PCDHGB4: variants seen among roughly 807,000 people sequenced by gnomAD.
PCDHGB4 encodes protocadherin gamma subfamily B, 4.
PCDHGB4 carries 38 observed loss-of-function variants against 60.5 expected under a neutral mutation model. The ratio of observed to expected loss-of-function variants is 0.63; its 90% CI spans 0.48 to 0.82. The LOEUF (loss-of-function observed/expected upper bound fraction) is 0.82. PCDHGB4 is among the 40% of genes least tolerant of loss of function. The pLI, the probability that PCDHGB4 is intolerant of heterozygous loss-of-function variation, is 0.00. For missense variants in PCDHGB4, 1,109 were observed against 1,209.6 expected, an observed-to-expected ratio of 0.92 and a Z score of 1.23; for synonymous variants, 456 against 509.7, an observed-to-expected ratio of 0.89 and a Z score of 1.42.
chr5:141,455,632 TG>T (rs1394377963), intron 1 of PCDHGB4, among the ~76,000 whole-genome samples: 1 of 151,924 alleles, frequency 6.6e-6, no homozygotes, highest in African/African-American at 2.4e-5. Flanking sequence ...TGGAGATATG[TG>T]GGGGGCAGCC....
chr5:141,480,413 T>C (rs1478520852), intron 1 of PCDHGB4, among the ~76,000 whole-genome samples: 2 of 135,292 alleles, frequency 1.5e-5, no homozygotes, highest in African/African-American at 3.0e-5. Context: ...AGACCCTGTC[T>C]CAAAAAAAAA....
Position 141,511,039 on chromosome 5 carries a change from C to T in PCDHGB4, c.2638C>T (p.Pro880Ser). 1 of 1,614,196 alleles carries T rather than the reference C, an allele frequency of 6.2e-7. No homozygotes were observed. ...YGPQFTLQHV[P>S]DYRQNVYIPG... ...ACCCCAGTTCACCCTGCAGCACGTGCCCGACTACCGCCAGAATGTCTACAT... is the reference window on the plus strand; with the variant it reads ...ACCCCAGTTCACCCTGCAGCACGTGTCCGACTACCGCCAGAATGTCTACAT... The change falls in exon 4 of 4, where the codon CCC (proline) becomes TCC (serine). Residue 880 changes from proline (P) to serine (S), a missense_variant. Physicochemically the swap from Pro to Ser is moderately conservative, Grantham distance 74. Around this residue, in one of 2 missense-constraint regions of PCDHGB4, gnomAD observed 1,068 missense variants for 1,089.9 expected, o/e 0.98. Coordinates refer to ENST00000519479, the MANE Select transcript of PCDHGB4 (RefSeq NM_003736.4).
chr5:141,430,994 C>T, intron 1 of PCDHGB4: 1 of 1,613,950 alleles, frequency 6.2e-7, no homozygotes, highest in East Asian at 2.2e-5. Context: ...CGCCCTGAAT[C>T]CGCGCAGCGG....
At position 141,485,561 on chromosome 5, in the gene PCDHGB4, GCCC is replaced by G; in HGVS notation, c.2398-9242_2398-9240del. ...AGAGATCGTAGATGTGAATGATCAC[GCCC>G]CCCGTTTTCCGCGGCAGCAGCTGGA... On this transcript the variant is annotated intron_variant, in intron 1 of 3. Transcript: ENST00000519479. This position sits in a 1 kb window ranked among gnomAD's most constrained non-coding sequence, Gnocchi z 5.7. 1 of 1,613,008 alleles carries G rather than the reference GCCC, an allele frequency of 6.2e-7. No homozygotes were observed.
intron 1 of PCDHGB4, chr5:141,439,845 T>C (rs983341549): frequency 6.6e-6 from 1 of 152,252 alleles, no homozygotes; most frequent in Non-Finnish European, 1.5e-5. Flanking sequence ...ACTCTAACTG[T>C]GGAAAAGGTG....
At position 141,491,583 on chromosome 5, in the gene PCDHGB4, C is replaced by T; in HGVS notation, c.2398-3224C>T. On this transcript the variant is annotated intron_variant, in intron 1 of 3. Transcript: ENST00000519479. The surrounding 1 kb of genome is among the most constrained non-coding windows in gnomAD (Gnocchi z 6.9). ...GCTACAGGACGTGCTTTTCACCGGC[C>T]TCGGACGGCAGTGACTTCACTTTTC... 1 of 1,613,964 alleles carries T rather than the reference C, an allele frequency of 6.2e-7. No individual in the cohort carries two copies. Among genetic ancestry groups the T allele is most frequent in the African/African-American group, 1.3e-5 (1 of 75,032 alleles).
chr5:141,395,273 A>G, intron 1 of PCDHGB4: 1 of 1,543,700 alleles, frequency 6.5e-7, no homozygotes, highest in Non-Finnish European at 8.7e-7. Context: ...TAATTTCCAG[A>G]TGAATTTTAT....
rs758599120 is a variant in PCDHGB4 at position 141,414,165 on chromosome 5, A to G, written c.2397+23884A>G. On this transcript the variant is annotated intron_variant, in intron 1 of 3. Transcript: ENST00000519479. The stretch of plus-strand genomic sequence containing the variant: ...AAATACAAGCAGAAGATGGAGGAGC[A>G]TATCTTGCAACTGCAAAAGTGTTGA... 8 of 1,604,890 alleles carry G rather than the reference A, an allele frequency of 5.0e-6. No homozygotes were observed. The highest frequency in any genetic ancestry group is 2.2e-5 in the South Asian group (2 of 89,922).
chr5:141,433,883 G>A (rs1051019240), intron 1 of PCDHGB4, among the ~76,000 whole-genome samples: 1 of 149,932 alleles, frequency 6.7e-6, no homozygotes, highest in Non-Finnish European at 1.5e-5. Flanking sequence ...ATCCATTGAT[G>A]ACACTTGCTT....
chr5:141,427,743 T>A, intron 1 of PCDHGB4: 5 of 1,249,166 alleles, frequency 4.0e-6, no homozygotes, highest in Non-Finnish European at 5.8e-6. Context: ...CCAAGTCTCC[T>A]ACTCCATCGT....
chr5:141,413,686 C>T, intron 1 of PCDHGB4: 4 of 1,613,812 alleles, frequency 2.5e-6, no homozygotes, highest in Non-Finnish European at 3.4e-6. Context: ...CGTGAACTCC[C>T]TGCAGAGCTA....
chr5:141,473,700 C>G (rs1474416849), intron 1 of PCDHGB4, among the ~76,000 whole-genome samples: 1 of 152,148 alleles, frequency 6.6e-6, no homozygotes, highest in Non-Finnish European at 1.5e-5. Context: ...GACCACCCTC[C>G]AAGTGGTGCA....
chr5:141,414,515 C>T, intron 1 of PCDHGB4: 1 of 1,613,958 alleles, frequency 6.2e-7, no homozygotes, highest in Non-Finnish European at 8.5e-7. Flanking sequence ...CTACAAGTGG[C>T]AGATATCAAT....
intron 1 of PCDHGB4, chr5:141,471,515 T>C (rs931181988): frequency 2.6e-5 from 4 of 152,276 alleles, no homozygotes; most frequent in African/African-American, 9.6e-5. Context: ...GGAGTAAAAA[T>C]AACAGCGAGG....
chr5:141,469,376 A>T (rs572466149), intron 1 of PCDHGB4, among the ~76,000 whole-genome samples: 1 of 152,232 alleles, frequency 6.6e-6, no homozygotes, highest in East Asian at 1.9e-4. Flanking sequence ...AGAGATCGAG[A>T]CCATCCTGGC....
At chr5:141,418,341 A>G (rs1407312724) in intron 1 of PCDHGB4, 1 of 1,614,006 alleles carries the variant, frequency 6.2e-7, no homozygotes, top group South Asian at 1.1e-5. Context: ...GAAGATCCTG[A>G]TATTAGTATG....
intron 1 of PCDHGB4, among the ~76,000 whole-genome samples, chr5:141,454,796 ATTTTTTTTTTTTTTTTTTT>A (rs61612330): frequency 3.9e-5 from 3 of 77,408 alleles, no homozygotes; most frequent in African/African-American, 1.2e-4. Context: ...CATGGTTCTA[ATTTTTTTTTTTTTTTTTTT>A]TTTTTTTTTT....
intron 1 of PCDHGB4, chr5:141,421,852 C>T: frequency 6.2e-7 from 1 of 1,613,770 alleles, no homozygotes; most frequent in South Asian, 1.1e-5. Context: ...AGAGGCTGCT[C>T]ACCTGCTCCT....
At position 141,431,848 on chromosome 5, in the gene PCDHGB4, G is replaced by A. The variant is rs747401379; in HGVS notation, c.2397+41567G>A. 11 of 1,614,142 alleles carry A rather than the reference G, an allele frequency of 6.8e-6. No homozygotes were observed. The highest frequency in any genetic ancestry group is 2.2e-5 in the East Asian group (1 of 44,906). On this transcript the variant is annotated intron_variant, in intron 1 of 3. Coordinates refer to ENST00000519479, the MANE Select transcript of PCDHGB4 (RefSeq NM_003736.4). The surrounding 1 kb of genome is among the most constrained non-coding windows in gnomAD (Gnocchi z 4.8). ...CGGTTCCCGAAAACTCTCCCAGAGGGACATTAATTGCCCTTTTAAATGTAA... is the reference window on the plus strand; with the variant it reads ...CGGTTCCCGAAAACTCTCCCAGAGGAACATTAATTGCCCTTTTAAATGTAA...
Sources: allele counts gnomAD v4.1 joint callset (sites outside exome capture counted in the v4.1 genomes callset), GRCh38; gene constraint gnomAD v4.1.1; regional missense constraint gnomAD v4.1.1; non-coding constraint Gnocchi (gnomAD v3.1); transcripts MANE v1.5; gene names NCBI Gene and HGNC (gene_info 2026-07-23, HGNC 2026-07-21).